The following ZC3HAV1 variants were observed in gnomAD, a reference collection of about 807,000 sequenced individuals.
ZC3HAV1 encodes the protein zinc finger CCCH-type containing, antiviral 1, also known as zinc finger CCCH-type antiviral protein 1.
ZC3HAV1 carries 41 observed loss-of-function variants against 86.6 expected under a neutral mutation model. That is an observed-to-expected ratio of 0.47 (90% CI 0.37 to 0.61). The LOEUF (loss-of-function observed/expected upper bound fraction) is 0.61. Ranked by LOEUF, ZC3HAV1 falls within the 20% of genes least tolerant of loss-of-function variation. The probability of loss-of-function intolerance (pLI) is 0.00; values close to 1 mark genes in which losing one functional copy is unlikely to be tolerated. For missense variants in ZC3HAV1, 964 were observed against 1,141.1 expected (o/e 0.84, Z 2.24); for synonymous variants, 421 against 432.1 (o/e 0.97, Z 0.32).
In ZC3HAV1 at chr7:139,061,148, G is replaced by C. The variant is rs1563126329; in HGVS notation, c.1994-10C>G. The C allele has an allele frequency of 1.3e-6, 2 of 1,543,678 alleles. No homozygotes were observed. The highest frequency in any genetic ancestry group is 4.6e-5 in the East Asian group (2 of 43,220). On this transcript the variant is annotated splice_polypyrimidine_tract_variant and intron_variant, in intron 8 of 12. Transcript: ENST00000242351. Reference sequence around the variant, plus strand: ...TTTGTCTGAATCATCCCTTTGGACAGAAAAAAAAATAAAAGCAGTGAGAAT... The same window carrying C: ...TTTGTCTGAATCATCCCTTTGGACACAAAAAAAAATAAAAGCAGTGAGAAT...
chr7:139,048,752 A>G (rs994585951), intron 12 of ZC3HAV1, among the ~76,000 whole-genome samples: 1 of 152,030 alleles, frequency 6.6e-6, no homozygotes, highest in Non-Finnish European at 1.5e-5. Flanking sequence ...CTTCCCATCT[A>G]CTTTGTTTTT....
At chr7:139,096,832 G>A (rs1475342287) in intron 1 of ZC3HAV1, among the ~76,000 whole-genome samples, 1 of 152,144 alleles carries the variant, frequency 6.6e-6, no homozygotes, top group East Asian at 1.9e-4. Flanking sequence ...CTTTAGGGTG[G>A]TATTTAAAAA....
At chr7:139,067,343 G>A (rs1405183476) in intron 7 of ZC3HAV1, among the ~76,000 whole-genome samples, 1 of 152,092 alleles carries the variant, frequency 6.6e-6, no homozygotes, top group Non-Finnish European at 1.5e-5. Context: ...TAGAGACAGG[G>A]TTTCACTGTA....
rs556252165 is a variant in ZC3HAV1 at position 139,091,361 on chromosome 7, G to C, written c.309-1602C>G. Among the ~76,000 whole-genome samples the C allele has an allele frequency of 2.0e-5, 3 of 152,244 alleles. No homozygotes were observed. The East Asian group carries it at 5.8e-4, about 30-fold the overall frequency. Reference sequence around the variant, plus strand: ...AAAATAGCTGTGGTCCCAGTTACTCGGGAGGCTGAGGCAGGAGAATGGCGT... The same window carrying C: ...AAAATAGCTGTGGTCCCAGTTACTCCGGAGGCTGAGGCAGGAGAATGGCGT... On this transcript the variant is annotated intron_variant, in intron 1 of 12. Coordinates refer to ENST00000242351, the MANE Select transcript of ZC3HAV1 (RefSeq NM_020119.4).
At chr7:139,066,985 G>T (rs1816624344) in intron 7 of ZC3HAV1, among the ~76,000 whole-genome samples, 3 of 152,188 alleles carry the variant, frequency 2.0e-5, no homozygotes. Flanking sequence ...CAGCTCCCGG[G>T]TGATGCTGAG....
chr7:139,060,917 G>A lies in ZC3HAV1; in HGVS notation c.2096+119C>T, dbSNP rs541592130. On this transcript the variant is annotated intron_variant, in intron 9 of 12. Coordinates refer to ENST00000242351, the MANE Select transcript of ZC3HAV1 (RefSeq NM_020119.4). ...ATCGATAATGCAAATGGAAACTGCA[G>A]AGTAATGCAAACAGGAACTTTTCAG... 4 of 1,592,732 alleles carry A rather than the reference G, an allele frequency of 2.5e-6. No individual in the cohort carries two copies. In the African/African-American group the frequency reaches 5.4e-5, roughly 21 times the overall value.
chr7:139,061,252 T>C (rs770772009), intron 8 of ZC3HAV1, 114 bp from the exon 9 acceptor site: 10 of 942,716 alleles, frequency 1.1e-5, no homozygotes, highest in African/African-American at 1.7e-5. Context: ...CTGACCTGTA[T>C]GTATACGAAT....
chr7:139,070,618 C>G (rs1320662535), intron 7 of ZC3HAV1, among the ~76,000 whole-genome samples: 3 of 146,014 alleles, frequency 2.1e-5, no homozygotes, highest in African/African-American at 5.2e-5. Flanking sequence ...AAGCCGAGAT[C>G]GCGCCACTGC....
chr7:139,104,959 G>A (rs1297453878), intron 1 of ZC3HAV1, among the ~76,000 whole-genome samples: 1 of 149,940 alleles, frequency 6.7e-6, no homozygotes, highest in East Asian at 1.9e-4. Flanking sequence ...CTTGAACCGG[G>A]GAGGCGGAGG....
Position 139,108,357 on chromosome 7 carries a change from CCCA to C in ZC3HAV1, c.308+664_308+666del, listed in dbSNP as rs1817997058. Among the ~76,000 whole-genome samples the C allele has an allele frequency of 1.3e-5, 2 of 151,934 alleles. No individual in the cohort carries two copies. Among genetic ancestry groups the C allele is most frequent in the Admixed American group, 6.6e-5 (1 of 15,260 alleles). On this transcript the variant is annotated intron_variant, in intron 1 of 12. Transcript: ENST00000242351. The surrounding 1 kb of genome is among the most constrained non-coding windows in gnomAD (Gnocchi z 4.2). ...CTTCAAAGGGATTTAAGAGAGTTGT[CCCA>C]AGGCAGGCGGTCAACTGCGCGCGCC...
At chr7:139,062,432 T>C (rs1816471669) in intron 8 of ZC3HAV1, among the ~76,000 whole-genome samples, 1 of 152,242 alleles carries the variant, frequency 6.6e-6, no homozygotes, top group African/African-American at 2.4e-5. Flanking sequence ...TGGAGCGCCC[T>C]CCTTCCCACA....
At chr7:139,087,191 A>G (rs10278876) in intron 2 of ZC3HAV1, among the ~76,000 whole-genome samples, 3,574 of 152,222 alleles carry the variant, frequency 0.023, 133 homozygotes, top group African/African-American at 0.082. Context: ...CATTCCCTCA[A>G]TGAAAGAAAA....
intron 9 of ZC3HAV1, among the ~76,000 whole-genome samples, chr7:139,057,402 C>T (rs1816317002): frequency 6.6e-6 from 1 of 151,900 alleles, no homozygotes; most frequent in South Asian, 2.1e-4. Flanking sequence ...AATATTGTTA[C>T]CACTACTACA....
intron 1 of ZC3HAV1, among the ~76,000 whole-genome samples, chr7:139,104,243 A>AAGGAAAGACATACAAAC: frequency 6.6e-6 from 1 of 152,058 alleles, no homozygotes; most frequent in East Asian, 1.9e-4. Context: ...ATTAACCGAA[A>AAGGAAAGACATACAAAC]AGGAAAGACA....
intron 7 of ZC3HAV1, among the ~76,000 whole-genome samples, chr7:139,066,995 G>A (rs576715034): frequency 2.0e-5 from 3 of 152,328 alleles, no homozygotes; most frequent in Admixed American, 6.5e-5. Context: ...GTGATGCTGA[G>A]GCTGATGCTG....
chr7:139,075,203 T>G (rs556994953), intron 6 of ZC3HAV1, among the ~76,000 whole-genome samples: 1 of 152,272 alleles, frequency 6.6e-6, no homozygotes, highest in South Asian at 2.1e-4. Context: ...AGCGGAAATA[T>G]AGACCTAGCA....
intron 2 of ZC3HAV1, among the ~76,000 whole-genome samples, chr7:139,085,619 C>A (rs1347186894): frequency 6.6e-6 from 1 of 152,170 alleles, no homozygotes; most frequent in Non-Finnish European, 1.5e-5. Context: ...CCATCTCACA[C>A]CCCCTAAACC....
chr7:139,056,108 T>A (rs1816272964), intron 9 of ZC3HAV1, among the ~76,000 whole-genome samples: 1 of 152,194 alleles, frequency 6.6e-6, no homozygotes, highest in African/African-American at 2.4e-5. Flanking sequence ...AATCTAATGA[T>A]CAATTTATAG....
chr7:139,088,044 A>G (rs1289353240), intron 2 of ZC3HAV1, among the ~76,000 whole-genome samples: 18 of 151,174 alleles, frequency 1.2e-4, no homozygotes, highest in Non-Finnish European at 2.7e-4. Context: ...AAAAAAAAAA[A>G]AAAAAAAAAA....
Sources: allele counts gnomAD v4.1 joint callset (sites outside exome capture counted in the v4.1 genomes callset), GRCh38; gene constraint gnomAD v4.1.1; non-coding constraint Gnocchi (gnomAD v3.1); transcripts MANE v1.5; gene names NCBI Gene and HGNC (gene_info 2026-07-23, HGNC 2026-07-21).